Variants in ATP8A2 observed in about 807,000 individuals in gnomAD.
ATP8A2 encodes the protein ATPase phospholipid transporting 8A2.
ATP8A2 carries 100 observed loss-of-function variants against 165.6 expected under a neutral mutation model. That is an observed-to-expected ratio of 0.60 (90% CI 0.51 to 0.71). The LOEUF (loss-of-function observed/expected upper bound fraction) is 0.71, where lower values mean the gene tolerates loss of function less well. ATP8A2 is among the 30% of genes least tolerant of loss of function. The pLI is 0.00. For synonymous variants in ATP8A2, 543 were observed against 548.8 expected, an observed-to-expected ratio of 0.99 and a Z score of 0.15; for missense variants, 1,227 against 1,479.5, an observed-to-expected ratio of 0.83 and a Z score of 2.80.
intron 33 of ATP8A2, among the ~76,000 whole-genome samples, chr13:25,918,677 A>G (rs1954340823): frequency 6.6e-6 from 1 of 152,194 alleles, no homozygotes; most frequent in Admixed American, 6.5e-5. Context: ...TGAATTGCAC[A>G]AGTCAACACA....
chr13:25,409,727 G>A (rs892276313), intron 1 of ATP8A2, among the ~76,000 whole-genome samples: 2 of 152,086 alleles, frequency 1.3e-5, no homozygotes, highest in Non-Finnish European at 2.9e-5. Context: ...GCCAGTAGAG[G>A]TAATAGAATT....
At chr13:25,735,379 C>T (rs937294460) in intron 25 of ATP8A2, among the ~76,000 whole-genome samples, 2 of 152,060 alleles carry the variant, frequency 1.3e-5, no homozygotes, top group African/African-American at 4.8e-5. Flanking sequence ...TCCACTTCAG[C>T]CTCTCAATTA....
chr13:25,998,592 G>T (rs554673079), intron 35 of ATP8A2, among the ~76,000 whole-genome samples: 1 of 152,242 alleles, frequency 6.6e-6, no homozygotes, highest in East Asian at 1.9e-4. Flanking sequence ...ATTCAGAATC[G>T]TCCTCTGCCT....
intron 33 of ATP8A2, among the ~76,000 whole-genome samples, chr13:25,947,954 G>T (rs1262246840): frequency 6.6e-6 from 1 of 152,126 alleles, no homozygotes; most frequent in South Asian, 2.1e-4. Flanking sequence ...CTGATGAGGG[G>T]ACGTTCACCT....
At chr13:25,831,711 T>C (rs1432206715) in intron 28 of ATP8A2, among the ~76,000 whole-genome samples, 2 of 151,402 alleles carry the variant, frequency 1.3e-5, no homozygotes, top group African/African-American at 4.8e-5. Flanking sequence ...GGCGTGACGG[T>C]GTGCACCTGT....
chr13:25,731,306 A>AAG (rs2043632955), intron 25 of ATP8A2, among the ~76,000 whole-genome samples: 2 of 149,118 alleles, frequency 1.3e-5, no homozygotes, highest in Non-Finnish European at 3.0e-5. Flanking sequence ...GAAAGAAAGA[A>AAG]AAGACCGGAA....
intron 1 of ATP8A2, among the ~76,000 whole-genome samples, chr13:25,463,593 T>C (rs1275517731): frequency 6.6e-6 from 1 of 152,184 alleles, no homozygotes; most frequent in Non-Finnish European, 1.5e-5. Context: ...AGGTCCATCA[T>C]TGTCCTTGCT....
intron 1 of ATP8A2, among the ~76,000 whole-genome samples, chr13:25,430,326 G>A (rs1285403520): frequency 6.6e-6 from 1 of 152,192 alleles, no homozygotes; most frequent in East Asian, 1.9e-4. Flanking sequence ...GGAGGGGCAG[G>A]AAGGAAACAA....
intron 27 of ATP8A2, among the ~76,000 whole-genome samples, chr13:25,822,248 A>G (rs1025806416): frequency 6.6e-6 from 1 of 152,168 alleles, no homozygotes; most frequent in Non-Finnish European, 1.5e-5. Flanking sequence ...TTTTCCATAT[A>G]TAAGGGTGTG....
chr13:25,601,765 C>T (rs570773828), intron 24 of ATP8A2, among the ~76,000 whole-genome samples: 11 of 152,156 alleles, frequency 7.2e-5, no homozygotes, highest in South Asian at 6.2e-4. Flanking sequence ...CCACTGCGCC[C>T]GGCCAGAAAT....
chr13:25,486,083 A>T (rs181452077), intron 2 of ATP8A2, among the ~76,000 whole-genome samples: 89 of 152,342 alleles, frequency 5.8e-4, no homozygotes, highest in African/African-American at 2.0e-3. Flanking sequence ...ACTTGCTGAC[A>T]GTCTTTTCCT....
At chr13:25,905,214 C>T (rs977095079) in intron 33 of ATP8A2, among the ~76,000 whole-genome samples, 4 of 152,080 alleles carry the variant, frequency 2.6e-5, no homozygotes, top group African/African-American at 4.8e-5. Flanking sequence ...TCTCTCTTTC[C>T]GCAGATAACC....
At chr13:25,382,778 CAG>C (rs1369803034) in intron 1 of ATP8A2, among the ~76,000 whole-genome samples, 1 of 148,264 alleles carries the variant, frequency 6.7e-6, no homozygotes, top group Admixed American at 6.7e-5. Flanking sequence ...TTTTTTGAGA[CAG>C]AGTCTCGCTG....
At position 25,489,377 on chromosome 13, in the gene ATP8A2, T is replaced by C. The variant is rs138146383; in HGVS notation, c.221+20256T>C. On this transcript the variant is annotated intron_variant, in intron 2 of 36. Coordinates refer to ENST00000381655, the MANE Select transcript of ATP8A2 (RefSeq NM_016529.6). ...AGGGCCCTGTTTTTCAGGCTCAGGT[T>C]GCATCTCTGTAAGCAAGCATTTTCT... Among the ~76,000 whole-genome samples, 829 of 152,308 alleles carry C rather than the reference T, an allele frequency of 5.4e-3. 7 individuals are homozygous for C. The highest frequency in any genetic ancestry group is 0.019 in the African/African-American group (806 of 41,558).
chr13:25,842,003 A>G (rs532654483), intron 30 of ATP8A2, among the ~76,000 whole-genome samples: 20 of 152,308 alleles, frequency 1.3e-4, no homozygotes, highest in African/African-American at 4.8e-4. Flanking sequence ...ACCTCCTATC[A>G]GGCCACAGCT....
chr13:25,427,391 T>A (rs2034481423), intron 1 of ATP8A2, among the ~76,000 whole-genome samples: 5 of 152,038 alleles, frequency 3.3e-5, no homozygotes, highest in Admixed American at 3.3e-4. Flanking sequence ...GTGATTTGCA[T>A]AATTAATTCA....
chr13:25,372,452 C>T lies in ATP8A2; in HGVS notation c.76+164C>T, dbSNP rs2032444462. 6.6e-6 allele frequency among the ~76,000 whole-genome samples: 1 copy of T among 152,122 alleles called. No homozygotes were observed. Among genetic ancestry groups the T allele is most frequent in the Non-Finnish European group, 1.5e-5 (1 of 67,994 alleles). Reference sequence around the variant, plus strand: ...CCGCCGACGCGGCGCGCTGGCCGCACGGGGGCTGGGCGTCGCTGCACCTGC... The same window carrying T: ...CCGCCGACGCGGCGCGCTGGCCGCATGGGGGCTGGGCGTCGCTGCACCTGC... On this transcript the variant is annotated intron_variant, in intron 1 of 36. Transcript: ENST00000381655. The surrounding 1 kb of genome is among the most constrained non-coding windows in gnomAD (Gnocchi z 4.8).
chr13:26,014,596 A>T (rs940220712), intron 36 of ATP8A2, among the ~76,000 whole-genome samples: 2 of 152,138 alleles, frequency 1.3e-5, no homozygotes, highest in East Asian at 3.9e-4. Flanking sequence ...AACAAATACA[A>T]ATGTCAAGCT....
intron 13 of ATP8A2, 47 bp downstream of exon 13, chr13:25,555,115 G>T (rs1479455238): frequency 1.5e-6 from 2 of 1,352,256 alleles, no homozygotes; most frequent in African/African-American, 1.4e-5. Context: ...CGAGCATGAG[G>T]GAAAATGAGT....
Sources: gnomAD v4.1 joint callset for allele counts (sites outside exome capture counted in the v4.1 genomes callset) on GRCh38, gnomAD v4.1.1 for gene constraint, Gnocchi (gnomAD v3.1) non-coding constraint, MANE v1.5 for transcripts, NCBI Gene and HGNC (gene_info 2026-07-23, HGNC 2026-07-21) for gene names.